Variants in FAM114A1 observed in about 807,000 individuals in gnomAD.
The protein encoded by FAM114A1 is family with sequence similarity 114 member A1, also known as protein NOXP20.
Under a neutral mutation model 64.3 loss-of-function variants are expected in FAM114A1, and 62 were observed. The observed-to-expected ratio is 0.96, with a 90% CI of 0.79 to 1.19. The LOEUF (loss-of-function observed/expected upper bound fraction) is 1.19. Among genes scored for constraint, FAM114A1 ranks in the 50% most tolerant of loss-of-function variants. FAM114A1 has a pLI of 0.00. For missense variants in FAM114A1, 645 were observed against 676.3 expected (o/e 0.95, Z 0.51); for synonymous variants, 254 against 251.1 (o/e 1.01, Z -0.11).
At chr4:38,929,076 C>A in intron 9 of FAM114A1, 166 bp from the exon 10 acceptor site, 1 of 607,294 alleles carries the variant, frequency 1.6e-6, no homozygotes, top group South Asian at 1.8e-5. Context: ...TGCCTCACTG[C>A]CATGCTCACG....
At chr4:38,937,146 T>C (rs1177690391) in intron 13 of FAM114A1, among the ~76,000 whole-genome samples, 1 of 152,232 alleles carries the variant, frequency 6.6e-6, no homozygotes, top group African/African-American at 2.4e-5. Flanking sequence ...GGTTTACTTC[T>C]TATTCTAATT....
intron 13 of FAM114A1, among the ~76,000 whole-genome samples, chr4:38,939,963 A>G (rs1308441344): frequency 6.8e-6 from 1 of 146,130 alleles, no homozygotes; most frequent in South Asian, 2.1e-4. Flanking sequence ...ATCTCGGCTC[A>G]CTGCAACCAC....
chr4:38,890,030 A>G (rs1716172801), intron 3 of FAM114A1, among the ~76,000 whole-genome samples: 1 of 152,072 alleles, frequency 6.6e-6, no homozygotes, highest in Non-Finnish European at 1.5e-5. Flanking sequence ...ATAATGTATC[A>G]TGAAAGCAAA....
intron 14 of FAM114A1, 55 bp downstream of exon 14, chr4:38,941,076 CTTTT>C: frequency 1.5e-5 from 18 of 1,235,778 alleles, no homozygotes; most frequent in Admixed American, 5.0e-5. Context: ...GTTAGAACTA[CTTTT>C]TTTTTTTTTT....
chr4:38,923,717 T>C (rs977121655), intron 9 of FAM114A1, among the ~76,000 whole-genome samples: 1 of 152,192 alleles, frequency 6.6e-6, no homozygotes, highest in Non-Finnish European at 1.5e-5. Context: ...GTCTGTACCA[T>C]TTTCTGACAG....
At chr4:38,874,313 T>C (rs1354478699) in intron 2 of FAM114A1, among the ~76,000 whole-genome samples, 1 of 152,176 alleles carries the variant, frequency 6.6e-6, no homozygotes, top group East Asian at 1.9e-4. Flanking sequence ...CTATATATTC[T>C]TGAGAGGGTG....
At position 38,905,496 on chromosome 4, in the gene FAM114A1, A is replaced by G. The variant is rs139440415; in HGVS notation, c.437-26A>G. ...CAGACCGTGGATTTCTAATGTATCC[A>G]TGAACCATATTTTTATTTCCAACAG... On this transcript the variant is annotated intron_variant, in intron 4 of 14. Coordinates refer to ENST00000358869, the MANE Select transcript of FAM114A1 (RefSeq NM_138389.4). The G allele has an allele frequency of 2.2e-4, 340 of 1,556,014 alleles. 3 individuals carry two copies. The African/African-American group carries it at 4.3e-3, about 20-fold the overall frequency.
chr4:38,892,916 C>T (rs1463637168), intron 4 of FAM114A1, among the ~76,000 whole-genome samples: 1 of 152,248 alleles, frequency 6.6e-6, no homozygotes, highest in African/African-American at 2.4e-5. Context: ...TTGCATTCCT[C>T]TAATTCCATC....
At chr4:38,914,887 A>G (rs1303324575) in intron 7 of FAM114A1, 34 bp from the exon 8 acceptor site, 2 of 1,599,484 alleles carry the variant, frequency 1.3e-6, no homozygotes, top group Non-Finnish European at 1.7e-6. Context: ...TTTTAAATGT[A>G]CATCCAGAGT....
At chr4:38,890,104 G>A (rs1036482220) in intron 3 of FAM114A1, among the ~76,000 whole-genome samples, 2 of 152,080 alleles carry the variant, frequency 1.3e-5, no homozygotes, top group Non-Finnish European at 2.9e-5. Flanking sequence ...TTATCTGCAA[G>A]GGTAGAAAAT....
chr4:38,886,305 G>A (rs904649697), intron 3 of FAM114A1, among the ~76,000 whole-genome samples: 6 of 151,722 alleles, frequency 4.0e-5, no homozygotes, highest in Non-Finnish European at 7.4e-5. Context: ...CCGAGTAGCC[G>A]GGATTACAGC....
In FAM114A1 at chr4:38,905,815, C is replaced by G. The variant is rs1027418475; in HGVS notation, c.611C>G (p.Ala204Gly). ...AGCCCACCCACTTCCCCTTCATCAG[C>G]CTCTCGGGGTATGCTGTCTGCCATC... is the stretch of plus-strand genomic sequence containing the variant. The part of the protein sequence containing the change: ...AESPPTSPSS[A>G]SRGMLSAITN... Residue 204 changes from alanine to glycine, a missense_variant, in exon 6 of 15, where the codon GCC becomes GGC. Physicochemically the swap from Ala to Gly is moderately conservative, Grantham distance 60. Transcript: ENST00000358869. 8 of 1,613,978 alleles carry G rather than the reference C, an allele frequency of 5.0e-6. No individual in the cohort carries two copies. The African/African-American group carries it at 8.0e-5, about 16-fold the overall frequency.
In FAM114A1 at chr4:38,922,906, A is replaced by G. The variant is rs752499913; in HGVS notation, c.1069+13A>G. 8.1e-6 allele frequency: 13 copies of G among 1,601,486 alleles called. No individual in the cohort carries two copies. The South Asian group carries it at 1.5e-4, about 18-fold the overall frequency. On this transcript the variant is annotated intron_variant, in intron 9 of 14. Transcript: ENST00000358869. Reference sequence around the variant, plus strand: ...CAAGAAGAACAAGGTAAAGGAAAATAACTTAAATAGCAAGACAAACTGTTG... The same window carrying G: ...CAAGAAGAACAAGGTAAAGGAAAATGACTTAAATAGCAAGACAAACTGTTG...
intron 4 of FAM114A1, among the ~76,000 whole-genome samples, chr4:38,904,370 T>C (rs78681750): frequency 0.016 from 2,424 of 152,288 alleles, 81 homozygotes; most frequent in African/African-American, 0.054. Flanking sequence ...CAGAATAAAA[T>C]GTAGACAAGA....
At chr4:38,939,593 G>A (rs1350732560) in intron 13 of FAM114A1, among the ~76,000 whole-genome samples, 1 of 152,084 alleles carries the variant, frequency 6.6e-6, no homozygotes, top group Admixed American at 6.6e-5. Context: ...TTCTCCCAAG[G>A]CTCCATCATG....
At chr4:38,914,637 C>A in intron 7 of FAM114A1, 1 of 295,380 alleles carries the variant, frequency 3.4e-6, no homozygotes, top group Non-Finnish European at 6.2e-6. Context: ...CAGTGGAAAC[C>A]ACTGTTAAAG....
At chr4:38,904,777 A>G (rs1405443529) in intron 4 of FAM114A1, among the ~76,000 whole-genome samples, 2 of 152,242 alleles carry the variant, frequency 1.3e-5, no homozygotes, top group Non-Finnish European at 2.9e-5. Context: ...CAAGGAATCA[A>G]AAAAATGAAT....
At position 38,879,921 on chromosome 4, in the gene FAM114A1, T is replaced by G. The variant is rs377016583; in HGVS notation, c.348+1495T>G. Among the ~76,000 whole-genome samples the G allele has an allele frequency of 1.9e-3, 295 of 151,792 alleles. 3 individuals carry two copies. In the South Asian group the frequency reaches 0.02, roughly 10 times the overall value. On this transcript the variant is annotated intron_variant, in intron 3 of 14. Coordinates refer to ENST00000358869, the MANE Select transcript of FAM114A1 (RefSeq NM_138389.4). ...TGTCTCTACGAAAAATACAAAAAAT[T>G]AGCCAGGCATGGTAGTATGCACCTG... is the stretch of plus-strand genomic sequence containing the variant.
rs568823864 is a variant in FAM114A1 at position 38,923,278 on chromosome 4, CAGTGGCGTG to C, written c.1069+387_1069+395del. Among the ~76,000 whole-genome samples the C allele has an allele frequency of 4.8e-3, 681 of 141,162 alleles. 7 individuals carry two copies. The highest frequency in any genetic ancestry group is 0.018 in the African/African-American group (663 of 37,380). The allele number at this position is 141,162 out of a possible 152,430, so 92.6% of individuals were successfully genotyped here. On this transcript the variant is annotated intron_variant, in intron 9 of 14. Coordinates refer to ENST00000358869, the MANE Select transcript of FAM114A1 (RefSeq NM_138389.4). ...CTCGCTCTGTTGCCAGGCTGGAGTG[CAGTGGCGTG>C]ATATCGGCTCACTGCAACCTCCACC... is the stretch of plus-strand genomic sequence containing the variant.
Sources: allele counts gnomAD v4.1 joint callset (sites outside exome capture counted in the v4.1 genomes callset), GRCh38; gene constraint gnomAD v4.1.1; transcripts MANE v1.5; gene names NCBI Gene and HGNC (gene_info 2026-07-23, HGNC 2026-07-21).